Variants in CHD4 observed in about 807,000 individuals in gnomAD.
The protein encoded by CHD4 is chromodomain helicase DNA binding protein 4, also known as ATP-dependent chromatin remodeler CHD4.
In CHD4, 35 loss-of-function variants were observed where a neutral mutation model predicts 235.5. The observed-to-expected ratio is 0.15, with a 90% CI of 0.11 to 0.20. The LOEUF is 0.20. CHD4 is among the 10% of genes least tolerant of loss of function. The pLI is 1.00. For synonymous variants in CHD4, 900 were observed against 850.2 expected, an observed-to-expected ratio of 1.06 and a Z score of -1.02; for missense variants, 1,329 against 2,432.3, an observed-to-expected ratio of 0.55 and a Z score of 9.54.
chr12:6,580,807 G>A (rs889326126), intron 33 of CHD4: 8 of 431,976 alleles, frequency 1.9e-5, no homozygotes, highest in African/African-American at 1.6e-4. Context: ...AGGAGATTTA[G>A]ACCAGCCTGG....
At chr12:6,576,328 G>A (rs542329893) in intron 37 of CHD4, among the ~76,000 whole-genome samples, 11 of 152,240 alleles carry the variant, frequency 7.2e-5, no homozygotes, top group African/African-American at 2.6e-4. Context: ...CTGCACTCCA[G>A]CCTGGCAACA....
Position 6,592,065 on chromosome 12 carries a change from G to A in CHD4, c.2949-8C>T, listed in dbSNP as rs2136213903. The A allele has an allele frequency of 1.9e-6, 3 of 1,614,004 alleles. No homozygotes were observed. Among genetic ancestry groups the A allele is most frequent in the Middle Eastern group, 3.3e-4 (2 of 6,046 alleles). ...ATGTACTTGTAGTATTTCCTACATG[G>A]GCAAGGTAGAAAGACAGGTTAGACT... On this transcript the variant is annotated splice_polypyrimidine_tract_variant and splice_region_variant and intron_variant, in intron 19 of 39. Transcript: ENST00000544040.
chr12:6,600,830 C>T (rs1245371995), intron 7 of CHD4, 96 bp downstream of exon 7: 1 of 1,513,246 alleles, frequency 6.6e-7, no homozygotes, highest in East Asian at 2.3e-5. Context: ...GCCCCACATT[C>T]TTACGTGCCT....
At chr12:6,588,089 G>T in intron 23 of CHD4, 140 bp from the exon 24 acceptor site, 1 of 1,105,088 alleles carries the variant, frequency 9.0e-7, no homozygotes, top group Non-Finnish European at 1.3e-6. Flanking sequence ...TTGCACCCCT[G>T]CCTCCAGACA....
At chr12:6,598,712 G>C (rs1016346537) in intron 10 of CHD4, among the ~76,000 whole-genome samples, 5 of 152,314 alleles carry the variant, frequency 3.3e-5, no homozygotes, top group African/African-American at 1.2e-4. Flanking sequence ...GGGAGTCTGA[G>C]GCAGGAGAAT....
chr12:6,588,948 T>G lies in CHD4; in HGVS notation c.3341-526A>C, dbSNP rs555605454. ...CAACAGAGCAAGACCCTAACTCTTATAGAAAAATGTCAGAATAGGCCAGGT... is the reference window on the plus strand; with the variant it reads ...CAACAGAGCAAGACCCTAACTCTTAGAGAAAAATGTCAGAATAGGCCAGGT... On this transcript the variant is annotated intron_variant, in intron 22 of 39. Coordinates refer to ENST00000544040, the MANE Select transcript of CHD4 (RefSeq NM_001273.5). Among the ~76,000 whole-genome samples, 14 of 152,140 alleles carry G rather than the reference T, an allele frequency of 9.2e-5. No homozygotes were observed. In the South Asian group the frequency reaches 2.7e-3, roughly 29 times the overall value.
rs1337433003 is a variant in CHD4, at chr12:6,602,053, C to T, written c.345G>A (p.Lys115=). The T allele has an allele frequency of 5.0e-6, 8 of 1,613,274 alleles. No individual in the cohort carries two copies. Among genetic ancestry groups the T allele is most frequent in the South Asian group, 2.2e-5 (2 of 91,082 alleles). ...SEGSDYTPGK[K]KKKKLGPKKE... ...TCTTAGGTCCAAGCTTCTTCTTCTT[C>T]TTCTTGCCAGGAGTATAGTCGCTGC... Residue 115 remains lysine (K), a synonymous_variant, in exon 4 of 40, where the codon AAG becomes AAA. Transcript: ENST00000544040.
At chr12:6,580,704 GAAAA>G (rs57266458) in intron 33 of CHD4, 21 of 43,440 alleles carry the variant, frequency 4.8e-4, no homozygotes, top group East Asian at 1.5e-3. Context: ...AAACTCCTTT[GAAAA>G]AAAAAAAAAA....
At chr12:6,575,112 C>G (rs906125043) in intron 37 of CHD4, among the ~76,000 whole-genome samples, 2 of 151,732 alleles carry the variant, frequency 1.3e-5, no homozygotes, top group African/African-American at 4.8e-5. Flanking sequence ...GTATATGCAA[C>G]AGAGACTACA....
At chr12:6,574,260 C>G (rs1202462019) in intron 37 of CHD4, among the ~76,000 whole-genome samples, 5 of 152,080 alleles carry the variant, frequency 3.3e-5, no homozygotes, top group Admixed American at 3.3e-4. Context: ...AAAAGGTACT[C>G]TTATGTTGTA....
intron 13 of CHD4, 136 bp downstream of exon 13, chr12:6,595,870 A>G: frequency 4.4e-6 from 4 of 902,840 alleles, no homozygotes; most frequent in Non-Finnish European, 6.5e-6. Context: ...AGGCAGGAGA[A>G]TCGTTTGAAC....
At chr12:6,604,645 AG>A (rs1328445839) in intron 2 of CHD4, among the ~76,000 whole-genome samples, 3 of 152,182 alleles carry the variant, frequency 2.0e-5, no homozygotes, top group African/African-American at 7.2e-5. Flanking sequence ...ATGGAGGCAA[AG>A]GGGACATCCT....
At position 6,578,444 on chromosome 12, in the gene CHD4, C is replaced by T. The variant is rs756887409; in HGVS notation, c.5084G>A (p.Arg1695His). 3.1e-6 allele frequency: 5 copies of T among 1,613,866 alleles called. No homozygotes were observed. Among genetic ancestry groups the T allele is most frequent in the Non-Finnish European group, 3.4e-6 (4 of 1,179,992 alleles). Residue 1695 changes from arginine (R) to histidine (H), a missense_variant, in exon 35 of 40, where the codon CGT becomes CAT. Around this residue, in one of 26 missense-constraint regions of CHD4, gnomAD observed 135 missense variants for 282.3 expected, o/e 0.48. Coordinates refer to ENST00000544040, the MANE Select transcript of CHD4 (RefSeq NM_001273.5). ...DEKQKKNIKQ[R>H]FMFNIADGGF... ...ACCATCTGCAATGTTAAACATGAAA[C>T]GTTGTTTAATATTTTTCTTCTGTTT...
At position 6,587,038 on chromosome 12, in the gene CHD4, G is replaced by T. The variant is rs143362933; in HGVS notation, c.3879+346C>A. On this transcript the variant is annotated intron_variant, in intron 25 of 39. Coordinates refer to ENST00000544040, the MANE Select transcript of CHD4 (RefSeq NM_001273.5). ...AAATAAAAACCAGAAAACACAAAGA[G>T]ATAGATTACCTAGGATCTTCTGCCT... 2.5e-4 allele frequency: 53 copies of T among 210,076 alleles called. 2 individuals carry two copies. Among genetic ancestry groups the T allele is most frequent in the African/African-American group, 1.1e-3 (45 of 42,830 alleles). 13.0% of individuals were successfully genotyped at this position (210,076 alleles called of 1,614,324 possible). A position where few individuals can be genotyped will look rare whatever the true frequency, so the allele number is the denominator to read the frequency against.
At position 6,591,460 on chromosome 12, in the gene CHD4, T is replaced by C. The variant is rs758469357; in HGVS notation, c.3340+6A>G. On this transcript the variant is annotated splice_donor_region_variant and intron_variant, in intron 22 of 39. Coordinates refer to ENST00000544040, the MANE Select transcript of CHD4 (RefSeq NM_001273.5). ...TCCTGAAACTAAACAACTCCTTCTC[T>C]CTCACCATTGAAGCGGTCAATGGCC... 52 of 1,609,248 alleles carry C rather than the reference T, an allele frequency of 3.2e-5. No homozygotes were observed. The highest frequency in any genetic ancestry group is 4.0e-5 in the Non-Finnish European group (47 of 1,176,462).
At chr12:6,596,250 A>G in intron 12 of CHD4, 113 bp from the exon 13 acceptor site, 1 of 1,351,182 alleles carries the variant, frequency 7.4e-7, no homozygotes, top group East Asian at 2.4e-5. Context: ...TATGCCACAG[A>G]TCACACGTTT....
intron 38 of CHD4, among the ~76,000 whole-genome samples, chr12:6,572,631 A>G (rs184205402): frequency 7.1e-6 from 1 of 140,698 alleles, no homozygotes; most frequent in Non-Finnish European, 1.5e-5. Flanking sequence ...ATCTTGGCTC[A>G]CTGCAAACTC....
chr12:6,600,048 C>T (rs781640400), intron 9 of CHD4, 36 bp from the exon 10 acceptor site: 8 of 1,604,724 alleles, frequency 5.0e-6, no homozygotes, highest in Admixed American at 1.7e-5. Flanking sequence ...ATTATTACCC[C>T]CACCCGCCCA....
At chr12:6,577,265 C>CAA (rs74687199) in intron 37 of CHD4, among the ~76,000 whole-genome samples, 7 of 151,210 alleles carry the variant, frequency 4.6e-5, no homozygotes, top group Non-Finnish European at 1.0e-4. Context: ...ACTAAAAATC[C>CAA]AAAAAAAACA....
Sources: allele counts gnomAD v4.1 joint callset (sites outside exome capture counted in the v4.1 genomes callset), GRCh38; gene constraint gnomAD v4.1.1; regional missense constraint gnomAD v4.1.1; transcripts MANE v1.5; gene names NCBI Gene and HGNC (gene_info 2026-07-23, HGNC 2026-07-21).